Variants in SPDYA observed in about 807,000 individuals in gnomAD.
SPDYA encodes speedy/RINGO cell cycle regulator family member A, also known as speedy protein A.
A neutral mutation model predicts 36.7 loss-of-function variants in SPDYA; 11 were observed. The observed-to-expected ratio is 0.30, with a 90% CI of 0.19 to 0.50. SPDYA has a LOEUF of 0.50. Among genes scored for constraint, SPDYA ranks in the 20% least tolerant of loss-of-function variants. SPDYA has a pLI of 0.98. For missense variants in SPDYA, 287 were observed against 370.9 expected (o/e 0.77, Z 1.86); for synonymous variants, 115 against 118.7 (o/e 0.97, Z 0.20).
intron 5 of SPDYA, among the ~76,000 whole-genome samples, chr2:28,828,305 T>C (rs1219571105): frequency 1.3e-5 from 2 of 152,174 alleles, no homozygotes; most frequent in Non-Finnish European, 2.9e-5. Flanking sequence ...GTGTTTATGA[T>C]TTTTGTTTCT....
rs888876810 is a variant in SPDYA at position 28,838,370 on chromosome 2, G to A, written c.553-1802G>A. On this transcript the variant is annotated intron_variant, in intron 6 of 7. Transcript: ENST00000334056. ...CTAATTTTGTATTTTTAGTAGAGATGGGGTTTCACCATGTTGGCCAGGCTG... is the reference window on the plus strand; with the variant it reads ...CTAATTTTGTATTTTTAGTAGAGATAGGGTTTCACCATGTTGGCCAGGCTG... 1.4e-4 allele frequency among the ~76,000 whole-genome samples: 21 copies of A among 151,670 alleles called. No individual in the cohort carries two copies. In the East Asian group the frequency reaches 2.1e-3, roughly 15 times the overall value.
intron 3 of SPDYA, among the ~76,000 whole-genome samples, 182 bp downstream of exon 3, chr2:28,816,431 G>A (rs1667985370): frequency 6.6e-6 from 1 of 151,002 alleles, no homozygotes; most frequent in African/African-American, 2.4e-5. Context: ...GTTTTTGTTT[G>A]TTTTGTTTCC....
chr2:28,842,729 T>C (rs75938092), intron 7 of SPDYA, among the ~76,000 whole-genome samples: 75 of 152,300 alleles, frequency 4.9e-4, no homozygotes, highest in African/African-American at 1.7e-3. Flanking sequence ...AAAGGAAAAG[T>C]ATTGATTGTA....
chr2:28,822,881 C>A (rs1668205428), intron 5 of SPDYA, among the ~76,000 whole-genome samples: 1 of 152,212 alleles, frequency 6.6e-6, no homozygotes, highest in Admixed American at 6.5e-5. Flanking sequence ...GCTGGGATTA[C>A]AGGTGTGAGC....
intron 1 of SPDYA, among the ~76,000 whole-genome samples, chr2:28,813,938 A>G (rs1311703164): frequency 3.3e-5 from 5 of 152,184 alleles, no homozygotes; most frequent in African/African-American, 1.2e-4. Flanking sequence ...GTGGGCAGGA[A>G]AGAGCAGAAC....
In SPDYA at chr2:28,834,384, G is replaced by T. The variant is rs369800262; in HGVS notation, c.552+5065G>T. On this transcript the variant is annotated intron_variant, in intron 6 of 7. Transcript: ENST00000334056. ...TAGTCCTGGCTATATATGCCAAAGG[G>T]TAAAAACAAAACTATGTCCACACAA... is the stretch of plus-strand genomic sequence containing the variant. Among the ~76,000 whole-genome samples, 116 of 152,198 alleles carry T rather than the reference G, an allele frequency of 7.6e-4. No homozygotes were observed. The South Asian group carries it at 0.023, about 30-fold the overall frequency.
At chr2:28,822,823 G>A (rs1668203183) in intron 5 of SPDYA, among the ~76,000 whole-genome samples, 1 of 152,150 alleles carries the variant, frequency 6.6e-6, no homozygotes, top group South Asian at 2.1e-4. Flanking sequence ...GGCCAGGATG[G>A]TCTTGATCTC....
At chr2:28,822,660 T>C (rs1267503970) in intron 5 of SPDYA, among the ~76,000 whole-genome samples, 2 of 152,184 alleles carry the variant, frequency 1.3e-5, no homozygotes, top group East Asian at 3.8e-4. Context: ...CAGGCTGGAG[T>C]GCAGTGGCAC....
chr2:28,822,231 T>C, intron 4 of SPDYA, 94 bp from the exon 5 acceptor site: 1 of 539,236 alleles, frequency 1.9e-6, no homozygotes, highest in Non-Finnish European at 3.2e-6. Flanking sequence ...TGTTTTAGCT[T>C]ATTCATCAGA....
intron 3 of SPDYA, among the ~76,000 whole-genome samples, chr2:28,818,185 G>A (rs1315321006): frequency 6.6e-6 from 1 of 151,958 alleles, no homozygotes; most frequent in African/African-American, 2.4e-5. Flanking sequence ...AAAAAAGTTA[G>A]CAAGGCAGAA....
chr2:28,840,999 A>G (rs1668739542), intron 7 of SPDYA, among the ~76,000 whole-genome samples: 1 of 148,132 alleles, frequency 6.8e-6, no homozygotes, highest in African/African-American at 2.5e-5. Flanking sequence ...CAGTGGGACA[A>G]TCTTGGCTTA....
chr2:28,823,053 T>C (rs1668209608), intron 5 of SPDYA, among the ~76,000 whole-genome samples: 1 of 152,208 alleles, frequency 6.6e-6, no homozygotes, highest in African/African-American at 2.4e-5. Context: ...AATTAATATA[T>C]AGTAAAAATC....
intron 7 of SPDYA, among the ~76,000 whole-genome samples, chr2:28,849,042 C>T (rs1668962293): frequency 6.6e-6 from 1 of 150,524 alleles, no homozygotes; most frequent in East Asian, 1.9e-4. Flanking sequence ...GAGAATCTGT[C>T]TCAAAAAAAA....
chr2:28,811,938 G>T lies in SPDYA; in HGVS notation c.-93+991G>T, dbSNP rs1177822164. 6.6e-6 allele frequency among the ~76,000 whole-genome samples: 1 copy of T among 152,130 alleles called. No individual in the cohort carries two copies. The highest frequency in any genetic ancestry group is 2.4e-5 in the African/African-American group (1 of 41,428). The stretch of plus-strand genomic sequence containing the variant: ...CTTATAGCTGGGGTTAGCTGGTTTT[G>T]TTTTCTTGGCAAGGTGACGATAAGT... On this transcript the variant is annotated intron_variant, in intron 1 of 7. Coordinates refer to ENST00000334056, the MANE Select transcript of SPDYA (RefSeq NM_182756.4). This position sits in a 1 kb window ranked among gnomAD's most constrained non-coding sequence, Gnocchi z 4.2.
intron 5 of SPDYA, among the ~76,000 whole-genome samples, chr2:28,824,545 C>CTTTCTCTCTTTTTTT: frequency 8.2e-6 from 1 of 121,886 alleles, no homozygotes; most frequent in East Asian, 2.2e-4. Flanking sequence ...TTTTTCTTTT[C>CTTTCTCTCTTTTTTT]TTTCTTTCTT....
chr2:28,822,464 CCTTATTT>C, intron 5 of SPDYA, 54 bp downstream of exon 5: 2 of 885,550 alleles, frequency 2.3e-6, no homozygotes, highest in Non-Finnish European at 3.4e-6. Context: ...ATACATTACA[CCTTATTT>C]AAAACAGAGG....
At chr2:28,823,730 T>C (rs1558324025) in intron 5 of SPDYA, among the ~76,000 whole-genome samples, 2 of 105,746 alleles carry the variant, frequency 1.9e-5, no homozygotes, top group Non-Finnish European at 4.2e-5. Context: ...TATATATATA[T>C]ATATATATAT....
rs1668240560 is a variant in SPDYA at position 28,823,749 on chromosome 2, T to TAA, written c.380+1339_380+1340insAA. ...TATATATATATATATATATATAAAA[T>TAA]TTTTTTTTTTTTTTGAGATGGAGTC... On this transcript the variant is annotated intron_variant, in intron 5 of 7. Coordinates refer to ENST00000334056, the MANE Select transcript of SPDYA (RefSeq NM_182756.4). Among the ~76,000 whole-genome samples the TAA allele has an allele frequency of 9.9e-5, 7 of 70,844 alleles. 1 individual carries two copies. In the South Asian group the frequency reaches 3.8e-3, roughly 38 times the overall value. 46.5% of individuals were successfully genotyped at this position (70,844 alleles called of 152,430 possible).
intron 4 of SPDYA, among the ~76,000 whole-genome samples, chr2:28,821,197 C>CTTTTTTTTTTTT (rs11464702): frequency 6.1e-5 from 6 of 98,840 alleles, no homozygotes; most frequent in South Asian, 3.8e-4. Context: ...TTTTCTTTTT[C>CTTTTTTTTTTTT]TTTTTTTTTT....
Sources: allele counts gnomAD v4.1 joint callset (sites outside exome capture counted in the v4.1 genomes callset), GRCh38; gene constraint gnomAD v4.1.1; non-coding constraint Gnocchi (gnomAD v3.1); transcripts MANE v1.5; gene names NCBI Gene and HGNC (gene_info 2026-07-23, HGNC 2026-07-21).